Variants in GCSH observed in about 807,000 individuals in gnomAD.
GCSH encodes the protein glycine cleavage system H protein, mitochondrial.
A neutral mutation model predicts 21.3 loss-of-function variants in GCSH; 15 were observed. The ratio of observed to expected loss-of-function variants is 0.70; its 90% CI spans 0.47 to 1.08. The LOEUF is 1.08. Among genes scored for constraint, GCSH ranks in the 50% least tolerant of loss-of-function variants. The pLI is 0.00. For missense variants in GCSH, 179 were observed against 217.5 expected, an observed-to-expected ratio of 0.82 and a Z score of 1.11; for synonymous variants, 59 against 84.5, an observed-to-expected ratio of 0.70 and a Z score of 1.66.
chr16:81,086,502 A>G (rs1567587635), intron 3 of GCSH, among the ~76,000 whole-genome samples: 2 of 152,268 alleles, frequency 1.3e-5, no homozygotes, highest in East Asian at 1.9e-4. Flanking sequence ...GGTTGCAGTG[A>G]GCCAATGTCG....
At chr16:81,095,285 G>C (rs1051738522) in intron 1 of GCSH, among the ~76,000 whole-genome samples, 2 of 151,738 alleles carry the variant, frequency 1.3e-5, no homozygotes, top group African/African-American at 4.9e-5. Flanking sequence ...GTTGAGTCCA[G>C]AAGACTTTAT....
In GCSH at chr16:81,081,972, T is replaced by C. The variant is rs1192666032; in HGVS notation, c.*894A>G. On this transcript the variant is annotated 3_prime_UTR_variant, in exon 5 of 5. Coordinates refer to ENST00000315467, the MANE Select transcript of GCSH (RefSeq NM_004483.5). ...TGAGCTCATAAAGCTTCAGTCCTTG[T>C]CCACTTTTATTCCCATGACTTAAGT... is the stretch of plus-strand genomic sequence containing the variant. 3 of 450,438 alleles carry C rather than the reference T, an allele frequency of 6.7e-6. No individual in the cohort carries two copies. The highest frequency in any genetic ancestry group is 2.4e-5 in the Admixed American group (1 of 42,430). 27.9% of individuals were successfully genotyped at this position (450,438 alleles called of 1,614,324 possible).
In GCSH at chr16:81,092,511, C is replaced by T. The variant is rs560391094; in HGVS notation, c.149-1831G>A. ...ATCCCAGCACTTTGGGAGGCCGAGG[C>T]GGGTGGATCACCTGAGGTCCGGGGT... is the stretch of plus-strand genomic sequence containing the variant. On this transcript the variant is annotated intron_variant, in intron 1 of 4. Transcript: ENST00000315467. 3.2e-4 allele frequency among the ~76,000 whole-genome samples: 48 copies of T among 151,808 alleles called. 1 individual carries two copies. The South Asian group carries it at 8.4e-3, about 26-fold the overall frequency.
chr16:81,088,743 T>G (rs1397674353), intron 2 of GCSH, among the ~76,000 whole-genome samples: 1 of 152,110 alleles, frequency 6.6e-6, no homozygotes, highest in Non-Finnish European at 1.5e-5. Flanking sequence ...TTGGTGTTCT[T>G]CCACCTCTGT....
At chr16:81,090,465 T>G in intron 2 of GCSH, 136 bp downstream of exon 2, 1 of 706,110 alleles carries the variant, frequency 1.4e-6, no homozygotes, top group Non-Finnish European at 2.6e-6. Flanking sequence ...CAAGCAATCC[T>G]CCTGCCTCAG....
chr16:81,090,439 C>G (rs986275018), intron 2 of GCSH, among the ~76,000 whole-genome samples, 162 bp downstream of exon 2: 3 of 151,866 alleles, frequency 2.0e-5, no homozygotes, highest in African/African-American at 7.3e-5. Context: ...CCAGGCTGGT[C>G]TTGAACTCCT....
chr16:81,091,033 CCTCTGAAGA>C, intron 1 of GCSH: 2 of 449,276 alleles, frequency 4.5e-6, no homozygotes, highest in Non-Finnish European at 8.6e-6. Flanking sequence ...AAAATCTGTG[CCTCTGAAGA>C]CAAATTTGGG....
Position 81,084,582 on chromosome 16 carries a change from G to A in GCSH, c.305C>T (p.Ala102Val). 6.2e-7 allele frequency: 1 copy of A among 1,605,980 alleles called. No homozygotes were observed. The highest frequency in any genetic ancestry group is 8.5e-7 in the Non-Finnish European group (1 of 1,173,354). The change falls in exon 4 of 5, where the codon GCT becomes GTT. Residue 102 changes from alanine to valine, a missense_variant. Coordinates refer to ENST00000315467, the MANE Select transcript of GCSH (RefSeq NM_004483.5). ...TKLNKQDEFGALESVKAASEL... is the reference protein window; with the variant it reads ...TKLNKQDEFGVLESVKAASEL... ...ACTAGCAGCTTTCACACTTTCCAAAGCACCAAACTCATCTAAGTGGAAAAA... is the reference window on the plus strand; with the variant it reads ...ACTAGCAGCTTTCACACTTTCCAAAACACCAAACTCATCTAAGTGGAAAAA...
rs1392996299 is a variant in GCSH at position 81,082,383 on chromosome 16, G to C, written c.*483C>G. 1 of 389,362 alleles carries C rather than the reference G, an allele frequency of 2.6e-6. No homozygotes were observed. Among genetic ancestry groups the C allele is most frequent in the South Asian group, 1.9e-5 (1 of 51,542 alleles). The allele number at this position is 389,362 out of a possible 1,614,324, so 24.1% of individuals were successfully genotyped here. A position where few individuals can be genotyped will look rare whatever the true frequency, so the allele number is the denominator to read the frequency against. ...GCTGTTGCTTCACTGTATAAAAATAGCACCAGCAAATGCAGTGTATCGCAA... is the reference window on the plus strand; with the variant it reads ...GCTGTTGCTTCACTGTATAAAAATACCACCAGCAAATGCAGTGTATCGCAA... On this transcript the variant is annotated 3_prime_UTR_variant, in exon 5 of 5. Transcript: ENST00000315467.
intron 1 of GCSH, among the ~76,000 whole-genome samples, chr16:81,092,293 C>G (rs1018147875): frequency 6.7e-6 from 1 of 150,066 alleles, no homozygotes; most frequent in South Asian, 2.2e-4. Flanking sequence ...TAGAGATCAT[C>G]TGTCAGTCTC....
At chr16:81,086,562 A>T (rs1448469020) in intron 3 of GCSH, among the ~76,000 whole-genome samples, 2 of 150,978 alleles carry the variant, frequency 1.3e-5, no homozygotes, top group Non-Finnish European at 1.5e-5. Flanking sequence ...GTCTCAAAAA[A>T]ATAAGAAGAA....
At chr16:81,085,719 G>T (rs1353435356) in intron 3 of GCSH, among the ~76,000 whole-genome samples, 4 of 152,082 alleles carry the variant, frequency 2.6e-5, no homozygotes, top group Non-Finnish European at 5.9e-5. Flanking sequence ...AATTAGCCGG[G>T]CGTGGTGGTG....
At chr16:81,095,036 T>A (rs1012687344) in intron 1 of GCSH, among the ~76,000 whole-genome samples, 1 of 150,002 alleles carries the variant, frequency 6.7e-6, no homozygotes, top group South Asian at 2.1e-4. Flanking sequence ...GCGCTTGCAG[T>A]GAGCCGAGAT....
Position 81,095,261 on chromosome 16 carries a change from T to G in GCSH, c.148+870A>C, listed in dbSNP as rs570496722. Among the ~76,000 whole-genome samples the G allele has an allele frequency of 1.1e-4, 17 of 152,282 alleles. No individual in the cohort carries two copies. In the South Asian group the frequency reaches 3.5e-3, roughly 32 times the overall value. ...ACACATGAATGATCCAATACAAACT[T>G]TAGCAGAACTTCTGTTGAGTCCAGA... On this transcript the variant is annotated intron_variant, in intron 1 of 4. Coordinates refer to ENST00000315467, the MANE Select transcript of GCSH (RefSeq NM_004483.5).
chr16:81,092,133 C>A (rs941586852), intron 1 of GCSH, among the ~76,000 whole-genome samples: 12 of 152,122 alleles, frequency 7.9e-5, no homozygotes, highest in Admixed American at 6.6e-5. Context: ...ACTCTCCCTA[C>A]CATCTTTACT....
chr16:81,090,676 A>G lies in GCSH; in HGVS notation c.153T>C (p.Arg51=), dbSNP rs142243166. 1.1e-5 allele frequency: 17 copies of G among 1,608,802 alleles called. 1 individual carries two copies. Among genetic ancestry groups the G allele is most frequent in the Non-Finnish European group, 1.4e-5 (17 of 1,175,116 alleles). The part of the protein sequence containing the change: ...LRTGPALLSV[R]KFTEKHEWVT... ...CCCATTCGTGTTTCTCTGTGAATTT[A>G]CGCACTAAAACAGAAGACCAACATT... is the stretch of plus-strand genomic sequence containing the variant. The change falls in exon 2 of 5, where the codon CGT becomes CGC. Residue 51 remains arginine, a synonymous_variant. Coordinates refer to ENST00000315467, the MANE Select transcript of GCSH (RefSeq NM_004483.5).
At chr16:81,094,232 G>T (rs564217659) in intron 1 of GCSH, among the ~76,000 whole-genome samples, 3 of 152,282 alleles carry the variant, frequency 2.0e-5, no homozygotes, top group African/African-American at 7.2e-5. Flanking sequence ...CTTGAAAAAG[G>T]TGGTTTTTGG....
At position 81,084,490 on chromosome 16, in the gene GCSH, G is replaced by C; in HGVS notation, c.397C>G (p.Leu133Val). 1 of 1,610,588 alleles carries C rather than the reference G, an allele frequency of 6.2e-7. No homozygotes were observed. Among genetic ancestry groups the C allele is most frequent in the Non-Finnish European group, 8.5e-7 (1 of 1,176,846 alleles). The change falls in exon 4 of 5, where the codon CTT (leucine) becomes GTT (valine). Residue 133 changes from leucine to valine, a missense_variant. Leu to Val is a conservative substitution (Grantham distance 32). Coordinates refer to ENST00000315467, the MANE Select transcript of GCSH (RefSeq NM_004483.5). ...TCTTCATAACAAGATTTGTTTACAA[G>C]TCCTGGATTTTCTGCAAGAGCTTCA... ...INEALAENPG[L>V]VNKSCYEDGW...
chr16:81,093,063 C>T (rs34270219), intron 1 of GCSH, among the ~76,000 whole-genome samples: 1,631 of 147,850 alleles, frequency 0.011, 23 homozygotes, highest in East Asian at 0.058. Flanking sequence ...ACCTGGGAGG[C>T]GGAGATTCCA....
Sources: allele counts gnomAD v4.1 joint callset (sites outside exome capture counted in the v4.1 genomes callset), GRCh38; gene constraint gnomAD v4.1.1; transcripts MANE v1.5; gene names NCBI Gene and HGNC (gene_info 2026-07-23, HGNC 2026-07-21).